MRPS6: variants seen among roughly 807,000 people sequenced by gnomAD.
The protein encoded by MRPS6 is small ribosomal subunit protein bS6m.
MRPS6 carries 6 observed loss-of-function variants against 13.1 expected under a neutral mutation model. The ratio of observed to expected loss-of-function variants is 0.46; its 90% confidence interval spans 0.25 to 0.91. The LOEUF (loss-of-function observed/expected upper bound fraction) is 0.91. Ranked by LOEUF, MRPS6 falls within the 40% of genes least tolerant of loss-of-function variation. The pLI, the probability that MRPS6 is intolerant of heterozygous loss-of-function variation, is 0.18. For missense variants in MRPS6, 164 were observed against 155.6 expected (o/e 1.05, Z -0.29); for synonymous variants, 61 against 56.5 (o/e 1.08, Z -0.36).
At chr21:34,091,212 G>A (rs1978667702) in intron 1 of MRPS6, among the ~76,000 whole-genome samples, 1 of 152,156 alleles carries the variant, frequency 6.6e-6, no homozygotes, top group Non-Finnish European at 1.5e-5. Flanking sequence ...AAAGCTAAAA[G>A]AGGTGGTTGT....
chr21:34,112,683 A>T (rs1979751364), intron 1 of MRPS6, among the ~76,000 whole-genome samples: 1 of 151,980 alleles, frequency 6.6e-6, no homozygotes, highest in Admixed American at 6.6e-5. Flanking sequence ...TCTGTCTATG[A>T]TTATATATCA....
chr21:34,089,598 G>C (rs1172136597), intron 1 of MRPS6, among the ~76,000 whole-genome samples: 5 of 152,064 alleles, frequency 3.3e-5, no homozygotes, highest in African/African-American at 7.3e-5. Context: ...ACTTTTCTAG[G>C]TGAATAAGAT....
At chr21:34,103,265 A>G (rs1311075455) in intron 1 of MRPS6, 100 of 999,098 alleles carry the variant, frequency 1.0e-4, no homozygotes, top group Non-Finnish European at 1.1e-4. Flanking sequence ...CTTAACAGAA[A>G]ATTTGTATTT....
chr21:34,104,810 T>C, intron 1 of MRPS6: 2 of 1,000,118 alleles, frequency 2.0e-6, no homozygotes, highest in Non-Finnish European at 2.4e-6. Flanking sequence ...TCCTACGTAC[T>C]ATGTGTTCTG....
chr21:34,114,479 C>T (rs946765173), intron 1 of MRPS6, among the ~76,000 whole-genome samples: 1 of 151,948 alleles, frequency 6.6e-6, no homozygotes, highest in African/African-American at 2.4e-5. Context: ...TTTGTTTGCA[C>T]CTGGGGAGCT....
intron 1 of MRPS6, among the ~76,000 whole-genome samples, chr21:34,084,119 T>G (rs1287936358): frequency 2.0e-5 from 3 of 148,434 alleles, no homozygotes; most frequent in East Asian, 3.9e-4. Flanking sequence ...TTTGTGGTCT[T>G]ACTTCTTACT....
At chr21:34,087,271 T>A (rs1388008829) in intron 1 of MRPS6, among the ~76,000 whole-genome samples, 1 of 258 alleles carries the variant, frequency 3.9e-3, no homozygotes, top group African/African-American at 0.014. Flanking sequence ...TTTTTCCCTT[T>A]AGCCTCTTTA....
chr21:34,075,176 G>C (rs1989297581), intron 1 of MRPS6, among the ~76,000 whole-genome samples: 2 of 152,174 alleles, frequency 1.3e-5, no homozygotes, highest in South Asian at 4.1e-4. Flanking sequence ...CGTGTTTTAG[G>C]GAATGTGGAA....
intron 2 of MRPS6, among the ~76,000 whole-genome samples, chr21:34,129,419 G>C (rs1980422965): frequency 6.6e-6 from 1 of 152,146 alleles, no homozygotes; most frequent in African/African-American, 2.4e-5. Context: ...AGTGAGATTG[G>C]GCTGGCTTCC....
chr21:34,085,677 C>T (rs920333558), intron 1 of MRPS6, among the ~76,000 whole-genome samples: 1 of 150,376 alleles, frequency 6.6e-6, no homozygotes, highest in African/African-American at 2.5e-5. Context: ...TCTCGGCTCA[C>T]TGCAAGCTCT....
chr21:34,089,238 G>C (rs1978558311), intron 1 of MRPS6, among the ~76,000 whole-genome samples: 3 of 151,864 alleles, frequency 2.0e-5, no homozygotes, highest in African/African-American at 7.3e-5. Context: ...GGCAGGTCTC[G>C]AACTCCTGGC....
At chr21:34,100,573 G>A in intron 1 of MRPS6, 5 of 1,000,214 alleles carry the variant, frequency 5.0e-6, no homozygotes, top group Non-Finnish European at 6.0e-6. Flanking sequence ...AAAGAGCCTG[G>A]CCAGGGTCAT....
chr21:34,087,103 A>T (rs1206693767), intron 1 of MRPS6, among the ~76,000 whole-genome samples: 1 of 152,144 alleles, frequency 6.6e-6, no homozygotes, highest in Non-Finnish European at 1.5e-5. Context: ...GTTGAGGGAG[A>T]TGGTGGCTCC....
chr21:34,128,731 T>A (rs977992618), intron 2 of MRPS6, among the ~76,000 whole-genome samples: 4 of 152,170 alleles, frequency 2.6e-5, no homozygotes, highest in African/African-American at 7.2e-5. Context: ...TAATTCATAA[T>A]CTCTGAAGGT....
At chr21:34,089,728 C>T (rs1250681373) in intron 1 of MRPS6, among the ~76,000 whole-genome samples, 4 of 152,060 alleles carry the variant, frequency 2.6e-5, no homozygotes, top group Non-Finnish European at 4.4e-5. Context: ...GGAGGAGGGC[C>T]GCAGTCCCTC....
At chr21:34,099,394 T>G (rs1979127853) in intron 1 of MRPS6, 1 of 1,000,238 alleles carries the variant, frequency 1.0e-6, no homozygotes, top group Non-Finnish European at 1.2e-6. Flanking sequence ...TGTTTTGTCC[T>G]GTTTTTTCAA....
intron 1 of MRPS6, chr21:34,100,853 C>G: frequency 1.0e-6 from 1 of 1,000,182 alleles, no homozygotes. Context: ...TTCTTTACCA[C>G]CAAATAAAGC....
intron 1 of MRPS6, chr21:34,099,698 A>T (rs1231356684): frequency 1.0e-6 from 1 of 998,156 alleles, no homozygotes; most frequent in African/African-American, 1.7e-5. Flanking sequence ...AGTAAGATAC[A>T]TAAGGTACAT....
chr21:34,101,017 T>C (rs1979213646), intron 1 of MRPS6: 1 of 1,000,064 alleles, frequency 1.0e-6, no homozygotes, highest in Admixed American at 6.2e-5. Context: ...CATGGGTCGT[T>C]GGTGGTGACA....
Sources: gnomAD v4.1 joint callset for allele counts (sites outside exome capture counted in the v4.1 genomes callset) on GRCh38, gnomAD v4.1.1 for gene constraint, MANE v1.5 for transcripts, NCBI Gene and HGNC (gene_info 2026-07-23, HGNC 2026-07-21) for gene names.